Variants in MAP4 observed in about 807,000 individuals in gnomAD.
MAP4 encodes microtubule-associated protein 4.
In MAP4, 76 loss-of-function variants were observed where a neutral mutation model predicts 170.2. That is an observed-to-expected ratio of 0.45 (90% CI 0.37 to 0.54). The LOEUF is 0.54. Among genes scored for constraint, MAP4 ranks in the 20% least tolerant of loss-of-function variants. The probability of loss-of-function intolerance (pLI) is 0.00; values close to 1 mark genes in which losing one functional copy is unlikely to be tolerated. For missense variants in MAP4, 2,506 were observed against 2,748.0 expected, an observed-to-expected ratio of 0.91 and a Z score of 1.97; for synonymous variants, 909 against 994.5, an observed-to-expected ratio of 0.91 and a Z score of 1.62.
chr3:48,019,011 T>A (rs987951306), upstream of MAP4, among the ~76,000 whole-genome samples: 1 of 152,078 alleles, frequency 6.6e-6, no homozygotes, highest in East Asian at 1.9e-4. Context: ...CATGACATGA[T>A]GCAATGTGGC....
At position 47,961,800 on chromosome 3, in the gene MAP4, T is replaced by C. The variant is rs748610369; in HGVS notation, c.292+16065A>G. 5.3e-5 allele frequency among the ~76,000 whole-genome samples: 8 copies of C among 152,308 alleles called. No individual in the cohort carries two copies. The Middle Eastern group carries it at 0.017, about 324-fold the overall frequency. ...CAACAAGCTTTAGTGGGCATTCTCA[T>C]GGACATCTTCCCAGGCAAGTTCCAC... On this transcript the variant is annotated intron_variant, in intron 3 of 20. Transcript: ENST00000683076.
intron 2 of MAP4, among the ~76,000 whole-genome samples, chr3:47,991,529 A>C (rs1186901202): frequency 6.6e-6 from 1 of 152,186 alleles, no homozygotes; most frequent in East Asian, 1.9e-4. Context: ...TAAGCAAGGC[A>C]CGCGCACCTG....
At chr3:47,970,833 C>A (rs563880311) in intron 3 of MAP4, among the ~76,000 whole-genome samples, 300 of 150,772 alleles carry the variant, frequency 2.0e-3, no homozygotes, top group South Asian at 4.6e-3. Context: ...CAAAAACAAA[C>A]AAAAAAAAAT....
Position 47,866,611 on chromosome 3 carries a change from G to A in MAP4, c.6501+635C>T, listed in dbSNP as rs187661933. ...TCTACTAAAAATACAAAAATTAGCC[G>A]GGCATGGTGGCGAGTACCTGCAGTC... On this transcript the variant is annotated intron_variant, in intron 17 of 20. Coordinates refer to ENST00000683076, the MANE Select transcript of MAP4 (RefSeq NM_001385682.1). Among the ~76,000 whole-genome samples the A allele has an allele frequency of 2.6e-5, 4 of 151,608 alleles. No individual in the cohort carries two copies. In the East Asian group the frequency reaches 7.8e-4, roughly 30 times the overall value.
At chr3:47,991,488 C>G (rs898175553) in intron 2 of MAP4, among the ~76,000 whole-genome samples, 1 of 152,126 alleles carries the variant, frequency 6.6e-6, no homozygotes, top group African/African-American at 2.4e-5. Flanking sequence ...CAGAGGAACA[C>G]AGTCTGACTG....
At chr3:48,006,596 T>G (rs995784517) in intron 1 of MAP4, among the ~76,000 whole-genome samples, 3 of 152,082 alleles carry the variant, frequency 2.0e-5, no homozygotes, top group Non-Finnish European at 4.4e-5. Flanking sequence ...GCTATCATGG[T>G]GGGAAAGGCC....
chr3:47,954,107 C>A (rs2100066279), intron 3 of MAP4, among the ~76,000 whole-genome samples: 1 of 152,096 alleles, frequency 6.6e-6, no homozygotes, highest in Non-Finnish European at 1.5e-5. Context: ...GGTTGCTCCC[C>A]TTTGCAGTGT....
At position 48,065,032 on chromosome 3, in the gene MAP4, A is replaced by C. The variant is rs563181751; in HGVS notation, c.-20+23741T>G. On this transcript the variant is annotated intron_variant, in intron 1 of 18. Coordinates refer to the MAP4 transcript ENST00000360240. ...GTAGTCCCATCTACTGTGGAGGCTG[A>C]GGCAGGAGGACTGCTTGAACCCAGA... is the stretch of plus-strand genomic sequence containing the variant. Among the ~76,000 whole-genome samples the C allele has an allele frequency of 2.0e-5, 3 of 152,326 alleles. No homozygotes were observed. The South Asian group carries it at 6.2e-4, about 32-fold the overall frequency.
intron 3 of MAP4, among the ~76,000 whole-genome samples, chr3:47,955,453 C>CGT (rs2100067237): frequency 6.6e-6 from 1 of 151,022 alleles, no homozygotes; most frequent in African/African-American, 2.4e-5. Context: ...CACACACACA[C>CGT]ACACACACAC....
chr3:47,989,399 G>A (rs1479769397), intron 2 of MAP4, among the ~76,000 whole-genome samples: 1 of 152,198 alleles, frequency 6.6e-6, no homozygotes, highest in East Asian at 1.9e-4. Context: ...ACTAAATGCA[G>A]TAATACAGGA....
At chr3:48,064,267 TA>T (rs2100137347) in intron 1 of MAP4, among the ~76,000 whole-genome samples, 1 of 152,156 alleles carries the variant, frequency 6.6e-6, no homozygotes, top group Non-Finnish European at 1.5e-5. Flanking sequence ...GTGTTTGAGA[TA>T]TTTTGCAGAC....
At chr3:47,982,424 C>T (rs927836989) in intron 2 of MAP4, among the ~76,000 whole-genome samples, 2 of 152,036 alleles carry the variant, frequency 1.3e-5, no homozygotes, top group Admixed American at 6.6e-5. Flanking sequence ...TGATAAAGAA[C>T]AGCTTGTTCG....
chr3:48,013,079 C>T (rs552488871), intron 1 of MAP4, among the ~76,000 whole-genome samples: 124 of 151,994 alleles, frequency 8.2e-4, no homozygotes, highest in African/African-American at 2.8e-3. Context: ...TCTTTAAATG[C>T]TCTATAGATG....
chr3:48,067,392 A>G (rs1255342566), intron 1 of MAP4, among the ~76,000 whole-genome samples: 4 of 152,122 alleles, frequency 2.6e-5, no homozygotes, highest in African/African-American at 7.2e-5. Flanking sequence ...GCAGTGGTGC[A>G]ATCATGGCTT....
At chr3:47,894,046 G>T (rs904000379) in intron 10 of MAP4, among the ~76,000 whole-genome samples, 8 of 151,542 alleles carry the variant, frequency 5.3e-5, no homozygotes, top group African/African-American at 1.9e-4. Flanking sequence ...CTACACTCAT[G>T]ATGATGAGTG....
chr3:47,933,059 C>A (rs529711933), intron 3 of MAP4, among the ~76,000 whole-genome samples: 22 of 152,104 alleles, frequency 1.4e-4, no homozygotes, highest in Non-Finnish European at 2.8e-4. Context: ...CATGCCACCA[C>A]ACCTGGCTAA....
At chr3:47,904,464 G>A (rs367864657) in intron 9 of MAP4, among the ~76,000 whole-genome samples, 1 of 151,710 alleles carries the variant, frequency 6.6e-6, no homozygotes, top group African/African-American at 2.4e-5. Context: ...GGCGTGCGCT[G>A]TCATACCCAG....
In MAP4 at chr3:47,909,261, A is replaced by G. The variant is rs925858494; in HGVS notation, c.5160T>C (p.Gly1720=). ...TATCTTTGGGTTCTGGGAGTCGAAC[A>G]CCCTTGGAAGCAGTCATTATTACTA... is the stretch of plus-strand genomic sequence containing the variant. The part of the protein sequence containing the change: ...DTLVIMTASK[G]VRLPEPKDKI... Residue 1720 remains glycine (G), a synonymous_variant, in exon 9 of 21, where the codon GGT becomes GGC. Transcript: ENST00000683076. The G allele has an allele frequency of 6.2e-7, 1 of 1,613,744 alleles. No homozygotes were observed. Among genetic ancestry groups the G allele is most frequent in the African/African-American group, 1.3e-5 (1 of 74,974 alleles).
chr3:47,904,732 C>A (rs921567794), intron 9 of MAP4, among the ~76,000 whole-genome samples: 1 of 151,766 alleles, frequency 6.6e-6, no homozygotes, highest in African/African-American at 2.4e-5. Flanking sequence ...GTGTTGTGAT[C>A]TTGGCTTACT....
Sources: allele counts gnomAD v4.1 joint callset (sites outside exome capture counted in the v4.1 genomes callset), GRCh38; gene constraint gnomAD v4.1.1; transcripts MANE v1.5; gene names NCBI Gene and HGNC (gene_info 2026-07-23, HGNC 2026-07-21).